TENM2: variants seen among roughly 807,000 people sequenced by gnomAD.
The protein encoded by TENM2 is teneurin-2.
TENM2 carries 52 observed loss-of-function variants against 245.2 expected under a neutral mutation model. The observed-to-expected ratio is 0.21, with a 90% CI of 0.17 to 0.27. The LOEUF (loss-of-function observed/expected upper bound fraction) is 0.27. TENM2 is among the 10% of genes least tolerant of loss of function. TENM2 has a pLI of 1.00. For missense variants in TENM2, 3,046 were observed against 3,666.8 expected (o/e 0.83, Z 4.37); for synonymous variants, 1,363 against 1,438.9 (o/e 0.95, Z 1.19).
chr5:167,401,540 A>T (rs912275017), intron 2 of TENM2, among the ~76,000 whole-genome samples: 1 of 152,166 alleles, frequency 6.6e-6, no homozygotes, highest in African/African-American at 2.4e-5. Context: ...TAAAAGGCTA[A>T]CACACTTAGC....
At chr5:167,905,514 G>A (rs536639307) in intron 3 of TENM2, among the ~76,000 whole-genome samples, 1 of 152,180 alleles carries the variant, frequency 6.6e-6, no homozygotes, top group Non-Finnish European at 1.5e-5. Flanking sequence ...AACTCCACAG[G>A]AGGGGGCTAG....
At chr5:168,201,790 C>T (rs1334383199) in intron 17 of TENM2, among the ~76,000 whole-genome samples, 1 of 152,146 alleles carries the variant, frequency 6.6e-6, no homozygotes, top group African/African-American at 2.4e-5. Flanking sequence ...TTCTCTCTCT[C>T]TCTAACCTTT....
intron 2 of TENM2, among the ~76,000 whole-genome samples, chr5:167,419,199 T>A (rs1463735288): frequency 4.0e-5 from 6 of 151,774 alleles, no homozygotes; most frequent in Non-Finnish European, 5.9e-5. Context: ...AGGTGGCTCA[T>A]GCCTGTAATT....
chr5:167,290,389 A>T (rs1473723591), intron 1 of TENM2, among the ~76,000 whole-genome samples: 2 of 152,160 alleles, frequency 1.3e-5, no homozygotes, highest in Admixed American at 6.5e-5. Context: ...TATTTATTAG[A>T]TCTGGACATT....
intron 2 of TENM2, among the ~76,000 whole-genome samples, chr5:167,467,129 C>T (rs1269164248): frequency 7.9e-5 from 12 of 152,028 alleles, no homozygotes; most frequent in Admixed American, 7.9e-4. Flanking sequence ...CTCCATAATC[C>T]CCAAGTGTTA....
chr5:168,204,103 C>T (rs535513318), intron 18 of TENM2, among the ~76,000 whole-genome samples: 4 of 152,080 alleles, frequency 2.6e-5, no homozygotes, highest in African/African-American at 7.2e-5. Context: ...CTCGACTTCC[C>T]GGGCTCAAAT....
chr5:167,132,956 A>G, the TENM2 span, among the ~76,000 whole-genome samples: 1 of 152,224 alleles, frequency 6.6e-6, no homozygotes, highest in Non-Finnish European at 1.5e-5. Context: ...TGAATGTGTC[A>G]TACAAAACCT....
At chr5:168,117,216 G>T (rs757892175) in intron 9 of TENM2, among the ~76,000 whole-genome samples, 1 of 152,276 alleles carries the variant, frequency 6.6e-6, no homozygotes, top group South Asian at 2.1e-4. Flanking sequence ...GATGGAAGAG[G>T]GTACAGCTGA....
chr5:167,161,688 G>C, the TENM2 span, among the ~76,000 whole-genome samples: 1 of 152,172 alleles, frequency 6.6e-6, no homozygotes, highest in South Asian at 2.1e-4. Context: ...GAGAAAGTAT[G>C]AAATTACAAA....
intron 25 of TENM2, among the ~76,000 whole-genome samples, chr5:168,229,192 CAG>C (rs1236317264): frequency 9.2e-5 from 14 of 152,070 alleles, no homozygotes; most frequent in African/African-American, 3.4e-4. Flanking sequence ...GATGAGAAAA[CAG>C]ACTCAGGGAA....
intron 1 of TENM2, among the ~76,000 whole-genome samples, chr5:167,336,763 A>G (rs1757784683): frequency 6.6e-6 from 1 of 151,370 alleles, no homozygotes; most frequent in Non-Finnish European, 1.5e-5. Context: ...AATGCTAATT[A>G]GAGCATTTGG....
intron 2 of TENM2, among the ~76,000 whole-genome samples, chr5:167,519,328 T>G (rs1770604062): frequency 6.6e-6 from 1 of 152,136 alleles, no homozygotes. Context: ...TCACTAAATG[T>G]GTGTCGACCG....
intron 2 of TENM2, among the ~76,000 whole-genome samples, chr5:167,427,077 A>G (rs1018022451): frequency 1.3e-5 from 2 of 152,000 alleles, no homozygotes; most frequent in Non-Finnish European, 2.9e-5. Context: ...AAGAAAAAGT[A>G]AAAAAAAGGA....
chr5:167,734,935 G>C (rs138234950), intron 2 of TENM2, among the ~76,000 whole-genome samples: 89 of 152,150 alleles, frequency 5.8e-4, no homozygotes, highest in Admixed American at 1.3e-3. Flanking sequence ...ATGGCATCAG[G>C]CTATCTTGCT....
chr5:167,596,761 A>C (rs954787409), intron 2 of TENM2, among the ~76,000 whole-genome samples: 1 of 149,948 alleles, frequency 6.7e-6, no homozygotes, highest in South Asian at 2.1e-4. Context: ...TTGCCACTGC[A>C]CTCCAACCTG....
intron 1 of TENM2, among the ~76,000 whole-genome samples, chr5:167,299,876 GCC>G (rs1561845577): frequency 8.5e-5 from 13 of 152,130 alleles, no homozygotes; most frequent in African/African-American, 3.1e-4. Context: ...AGCTGAAGGA[GCC>G]AGGGAGCAGA....
chr5:167,209,261 T>G, the TENM2 span, among the ~76,000 whole-genome samples: 1 of 151,722 alleles, frequency 6.6e-6, no homozygotes, highest in Non-Finnish European at 1.5e-5. Flanking sequence ...GTTAGCTATT[T>G]TTAGTAATTT....
chr5:167,455,324 C>T (rs1765847708), intron 2 of TENM2, among the ~76,000 whole-genome samples: 1 of 152,164 alleles, frequency 6.6e-6, no homozygotes, highest in Non-Finnish European at 1.5e-5. Context: ...AAATGCAGCT[C>T]TTCTTTGAAA....
At chr5:167,309,258 A>G (rs1581712156) in intron 1 of TENM2, among the ~76,000 whole-genome samples, 1 of 152,066 alleles carries the variant, frequency 6.6e-6, no homozygotes, top group Non-Finnish European at 1.5e-5. Context: ...CTCTGACCCC[A>G]CTGGGTTGAT....
Sources: gnomAD v4.1 joint callset for allele counts (sites outside exome capture counted in the v4.1 genomes callset) on GRCh38, gnomAD v4.1.1 for gene constraint, MANE v1.5 for transcripts, NCBI Gene and HGNC (gene_info 2026-07-23, HGNC 2026-07-21) for gene names.